Variants in A2ML1 observed in about 807,000 individuals in gnomAD.
The protein encoded by A2ML1 is alpha-2-macroglobulin like 1.
Under a neutral mutation model 181.9 loss-of-function variants are expected in A2ML1, and 161 were observed. The ratio of observed to expected loss-of-function variants is 0.89; its 90% CI spans 0.78 to 1.01. The LOEUF is 1.01. Among genes scored for constraint, A2ML1 ranks in the 50% least tolerant of loss-of-function variants. The probability of loss-of-function intolerance (pLI) is 0.00; values close to 1 mark genes in which losing one functional copy is unlikely to be tolerated. For synonymous variants in A2ML1, 663 were observed against 666.8 expected (o/e 0.99, Z 0.09); for missense variants, 1,670 against 1,768.1 (o/e 0.94, Z 1.00).
intron 14 of A2ML1, among the ~76,000 whole-genome samples, chr12:8,846,777 C>T (rs1943700534): frequency 6.8e-6 from 1 of 147,996 alleles, no homozygotes; most frequent in African/African-American, 2.5e-5. Flanking sequence ...CACCATTACA[C>T]TCCAGCCTGA....
chr12:8,874,979 G>GCAA lies in A2ML1; in HGVS notation c.4337_4339dup (p.Thr1446dup). On this transcript the variant is annotated inframe_insertion, in exon 35 of 36. Transcript: ENST00000299698. ...CTTATTTCATTTCACAGATGAACAG[G>GCAA]CAACAATTCAGTATTCTGATCCCTG... 6.2e-7 allele frequency: 1 copy of GCAA among 1,614,050 alleles called. No individual in the cohort carries two copies. Among genetic ancestry groups the GCAA allele is most frequent in the Non-Finnish European group, 8.5e-7 (1 of 1,179,968 alleles).
At chr12:8,868,664 G>T in intron 32 of A2ML1, 37 bp downstream of exon 32, 1 of 1,577,400 alleles carries the variant, frequency 6.3e-7, no homozygotes, top group South Asian at 1.1e-5. Context: ...ATCTAGCTGT[G>T]AGGGGACCTA....
At chr12:8,860,761 T>G in intron 26 of A2ML1, 120 bp from the exon 27 acceptor site, 1 of 851,834 alleles carries the variant, frequency 1.2e-6, no homozygotes. Flanking sequence ...GAGCTTTCTT[T>G]TCTTTTTTCT....
chr12:8,860,999 C>A (rs751880706), intron 27 of A2ML1, 44 bp downstream of exon 27: 2 of 1,609,002 alleles, frequency 1.2e-6, no homozygotes, highest in Non-Finnish European at 1.7e-6. Flanking sequence ...CCTTCTCATG[C>A]GTATTCCTAG....
rs180773038 is a variant in A2ML1 at position 8,881,967 on chromosome 12, C to T, written c.*94+1351C>T. ...TGGAGCTTGCAGTGAGCCGAGATTG[C>T]GCCACTGCACTCCAGCCTGGGCGAC... is the stretch of plus-strand genomic sequence containing the variant. On this transcript the variant is annotated intron_variant and NMD_transcript_variant, in intron 7 of 7. Coordinates refer to the A2ML1 transcript ENST00000537475. Among the ~76,000 whole-genome samples, 934 of 150,780 alleles carry T rather than the reference C, an allele frequency of 6.2e-3. 3 individuals are homozygous for T. The highest frequency in any genetic ancestry group is 9.6e-3 in the Non-Finnish European group (651 of 67,680).
At chr12:8,829,654 C>CCA (rs1555106130) in intron 3 of A2ML1, 73 bp from the exon 4 acceptor site, 8 of 1,115,016 alleles carry the variant, frequency 7.2e-6, no homozygotes, top group Non-Finnish European at 8.6e-6. Flanking sequence ...GACCCTGTAT[C>CCA]AAAAAAAAAA....
intron 2 of A2ML1, 152 bp from the exon 3 acceptor site, chr12:8,823,568 T>A: frequency 9.2e-7 from 1 of 1,091,002 alleles, no homozygotes; most frequent in Non-Finnish European, 1.3e-6. Context: ...TTCCTGACCT[T>A]AATTCTTCCT....
chr12:8,858,515 G>T (rs1944149887), intron 26 of A2ML1, among the ~76,000 whole-genome samples: 1 of 152,120 alleles, frequency 6.6e-6, no homozygotes, highest in South Asian at 2.1e-4. Context: ...GAACCCAGGA[G>T]GTCAAGCCTG....
At position 8,852,308 on chromosome 12, in the gene A2ML1, C is replaced by T. The variant is rs780900154; in HGVS notation, c.2562C>T (p.His854=). The T allele has an allele frequency of 3.8e-5, 61 of 1,614,162 alleles. 1 individual carries two copies. The South Asian group carries it at 6.3e-4, about 17-fold the overall frequency. ...SCLCADDAKT[H]HWNITAVKLG... ...TCTGTGCTGATGACGCAAAAACCCACCACTGGAACATCACAGCTGTCAAAT... is the reference window on the plus strand; with the variant it reads ...TCTGTGCTGATGACGCAAAAACCCATCACTGGAACATCACAGCTGTCAAAT... The change falls in exon 20 of 36, where the codon CAC becomes CAT. Residue 854 remains histidine (H), a synonymous_variant. Coordinates refer to ENST00000299698, the MANE Select transcript of A2ML1 (RefSeq NM_144670.6). This position sits in a 1 kb window ranked among gnomAD's most constrained non-coding sequence, Gnocchi z 4.2.
chr12:8,836,417 G>A lies in A2ML1; in HGVS notation c.728+78G>A, dbSNP rs1161843504. 3 of 1,292,962 alleles carry A rather than the reference G, an allele frequency of 2.3e-6. No homozygotes were observed. In the Admixed American group the frequency reaches 5.7e-5, roughly 24 times the overall value. The allele number at this position is 1,292,962 out of a possible 1,614,324, so 80.1% of individuals were successfully genotyped here. A position where few individuals can be genotyped will look rare whatever the true frequency, so the allele number is the denominator to read the frequency against. On this transcript the variant is annotated intron_variant, in intron 7 of 35. Coordinates refer to ENST00000299698, the MANE Select transcript of A2ML1 (RefSeq NM_144670.6). ...TGATGAGGGGATGACATGGGATGTG[G>A]GATTATGGGTGGGCCAAAACTTGGG...
chr12:8,869,305 G>A lies in A2ML1; in HGVS notation c.4221+102G>A, dbSNP rs1944542009. 5 of 1,214,048 alleles carry A rather than the reference G, an allele frequency of 4.1e-6. No homozygotes were observed. The East Asian group carries it at 7.0e-5, about 17-fold the overall frequency. 75.2% of individuals were successfully genotyped at this position (1,214,048 alleles called of 1,614,324 possible). Reference sequence around the variant, plus strand: ...GGGTGTCACACACATGGGGATGAGGGGCCTGGGAGTGAGTCCACACCATGC... The same window carrying A: ...GGGTGTCACACACATGGGGATGAGGAGCCTGGGAGTGAGTCCACACCATGC... On this transcript the variant is annotated intron_variant, in intron 33 of 35. Transcript: ENST00000299698.
chr12:8,846,019 G>A (rs1943671319), intron 13 of A2ML1, 58 bp from the exon 14 acceptor site: 1 of 1,600,266 alleles, frequency 6.2e-7, no homozygotes. Context: ...ATGGTTAGAT[G>A]CCGTTGGCAG....
intron 3 of A2ML1, 40 bp from the exon 4 acceptor site, chr12:8,829,687 G>T (rs1943046906): frequency 6.4e-7 from 1 of 1,555,510 alleles, no homozygotes; most frequent in Admixed American, 1.8e-5. Context: ...TTCTGAGCCA[G>T]GAAACATCCC....
intron 22 of A2ML1, 120 bp from the exon 23 acceptor site, chr12:8,855,389 C>T: frequency 1.2e-6 from 1 of 843,584 alleles, no homozygotes; most frequent in Non-Finnish European, 1.9e-6. Context: ...TTCTGCATCC[C>T]AGAGAAAGCA....
intron 6 of A2ML1, among the ~76,000 whole-genome samples, chr12:8,835,956 T>G (rs1483389043): frequency 7.3e-6 from 1 of 136,370 alleles, no homozygotes; most frequent in Non-Finnish European, 1.5e-5. Flanking sequence ...CAGCTTGCAG[T>G]GAGCTGACAT....
At chr12:8,826,099 A>G (rs1319961114) in intron 3 of A2ML1, among the ~76,000 whole-genome samples, 2 of 152,162 alleles carry the variant, frequency 1.3e-5, no homozygotes, top group Non-Finnish European at 2.9e-5. Flanking sequence ...TAAAAATTTT[A>G]TGATTTTTTT....
At chr12:8,881,387 T>C (rs1944868382), downstream of A2ML1, among the ~76,000 whole-genome samples, 1 of 152,148 alleles carries the variant, frequency 6.6e-6, no homozygotes, top group Non-Finnish European at 1.5e-5. Flanking sequence ...GGAAGGTAAA[T>C]ATATCGGAGG....
intron 18 of A2ML1, among the ~76,000 whole-genome samples, chr12:8,851,550 C>A (rs780004751): frequency 1.3e-5 from 2 of 151,982 alleles, no homozygotes; most frequent in Non-Finnish European, 2.9e-5. Flanking sequence ...GGACTATAGG[C>A]ATGCACCACC....
intron 14 of A2ML1, among the ~76,000 whole-genome samples, chr12:8,846,906 G>A (rs950811994): frequency 5.9e-5 from 9 of 151,774 alleles, no homozygotes; most frequent in African/African-American, 1.7e-4. Flanking sequence ...GAGCCCAGGA[G>A]TTCAAGGCTG....
Sources: allele counts gnomAD v4.1 joint callset (sites outside exome capture counted in the v4.1 genomes callset), GRCh38; gene constraint gnomAD v4.1.1; non-coding constraint Gnocchi (gnomAD v3.1); transcripts MANE v1.5; gene names NCBI Gene and HGNC (gene_info 2026-07-23, HGNC 2026-07-21).